Variants in NCKAP5 observed in about 807,000 individuals in gnomAD.
NCKAP5 encodes nck-associated protein 5.
A neutral mutation model predicts 167.0 loss-of-function variants in NCKAP5; 92 were observed. The ratio of observed to expected loss-of-function variants is 0.55; its 90% CI spans 0.47 to 0.66. NCKAP5 has a LOEUF of 0.66. Among genes scored for constraint, NCKAP5 ranks in the 30% least tolerant of loss-of-function variants. NCKAP5 has a pLI of 0.00. For missense variants in NCKAP5, 2,378 were observed against 2,315.0 expected, an observed-to-expected ratio of 1.03 and a Z score of -0.56; for synonymous variants, 891 against 877.4, an observed-to-expected ratio of 1.02 and a Z score of -0.27.
At chr2:132,749,138 T>G (rs1559005689) in intron 16 of NCKAP5, among the ~76,000 whole-genome samples, 2 of 145,638 alleles carry the variant, frequency 1.4e-5, no homozygotes. Context: ...AATAAATACA[T>G]AGTCTGATAT....
At chr2:133,572,827 A>T (rs1688915579), upstream of NCKAP5, among the ~76,000 whole-genome samples, 1 of 152,054 alleles carries the variant, frequency 6.6e-6, no homozygotes, top group South Asian at 2.1e-4. Flanking sequence ...GGCCTTGAGA[A>T]CCCTCGTGTT....
chr2:133,616,115 C>T, the NCKAP5 span, among the ~76,000 whole-genome samples: 210 of 152,004 alleles, frequency 1.4e-3, 1 homozygote, highest in Middle Eastern at 6.8e-3. Flanking sequence ...AGAACAAAGA[C>T]ACTACATACC....
chr2:133,079,642 T>C (rs1242896932), intron 6 of NCKAP5, among the ~76,000 whole-genome samples: 1 of 152,176 alleles, frequency 6.6e-6, no homozygotes. Flanking sequence ...AGCAAAAGGA[T>C]GAGGAAGATC....
Position 132,773,901 on chromosome 2 carries a change from G to T in NCKAP5, c.5050-7C>A. 6.2e-7 allele frequency: 1 copy of T among 1,606,612 alleles called. No individual in the cohort carries two copies. The highest frequency in any genetic ancestry group is 8.5e-7 in the Non-Finnish European group (1 of 1,177,190). On this transcript the variant is annotated splice_polypyrimidine_tract_variant and splice_region_variant and intron_variant, in intron 15 of 19. Coordinates refer to ENST00000409261, the MANE Select transcript of NCKAP5 (RefSeq NM_207363.3). ...TTTCATTTGCCTCTTTTACCTGCAGGAAGAAGAAAATGATGCAAGTTCTTA... is the reference window on the plus strand; with the variant it reads ...TTTCATTTGCCTCTTTTACCTGCAGTAAGAAGAAAATGATGCAAGTTCTTA...
chr2:133,429,058 C>T (rs1300137034), intron 3 of NCKAP5, among the ~76,000 whole-genome samples: 1 of 152,084 alleles, frequency 6.6e-6, no homozygotes, highest in East Asian at 1.9e-4. Context: ...AGGATTTATG[C>T]CCTCTGCGGG....
At chr2:133,418,516 A>C (rs147941265) in intron 3 of NCKAP5, among the ~76,000 whole-genome samples, 1 of 152,164 alleles carries the variant, frequency 6.6e-6, no homozygotes, top group Non-Finnish European at 1.5e-5. Flanking sequence ...TTACTCCCCA[A>C]CCAGACTAGG....
intron 3 of NCKAP5, among the ~76,000 whole-genome samples, chr2:133,451,090 G>A (rs558007212): frequency 2.2e-4 from 34 of 152,192 alleles, no homozygotes; most frequent in Admixed American, 4.6e-4. Context: ...AAGTCATCCT[G>A]GATTAGAGTT....
At chr2:133,593,285 A>T in the NCKAP5 span, among the ~76,000 whole-genome samples, 2 of 152,078 alleles carry the variant, frequency 1.3e-5, no homozygotes, top group African/African-American at 4.8e-5. Flanking sequence ...TAGATATGTC[A>T]TCTTCACAAA....
chr2:133,346,610 G>T (rs1683991649), intron 3 of NCKAP5, among the ~76,000 whole-genome samples: 1 of 152,234 alleles, frequency 6.6e-6, no homozygotes, highest in African/African-American at 2.4e-5. Flanking sequence ...TTCCAGGGCT[G>T]CGGGCCCCTC....
intron 5 of NCKAP5, among the ~76,000 whole-genome samples, chr2:133,185,372 T>A (rs1444460119): frequency 1.3e-5 from 2 of 152,160 alleles, no homozygotes; most frequent in Non-Finnish European, 2.9e-5. Context: ...GGCACTATAG[T>A]ATAGTTTGAA....
chr2:132,788,967 G>A (rs1203807106), intron 13 of NCKAP5, among the ~76,000 whole-genome samples: 1 of 152,102 alleles, frequency 6.6e-6, no homozygotes, highest in Non-Finnish European at 1.5e-5. Flanking sequence ...TGTGAGATAT[G>A]ACAGGTGTAC....
chr2:133,282,194 C>CT (rs1425268057), intron 4 of NCKAP5, among the ~76,000 whole-genome samples: 6 of 152,178 alleles, frequency 3.9e-5, no homozygotes, highest in Non-Finnish European at 8.8e-5. Flanking sequence ...GATTAAATGA[C>CT]TTAATACTTG....
At chr2:133,329,647 A>C (rs570808053) in intron 3 of NCKAP5, among the ~76,000 whole-genome samples, 1 of 152,330 alleles carries the variant, frequency 6.6e-6, no homozygotes, top group East Asian at 1.9e-4. Flanking sequence ...CACACAAGGG[A>C]GAACATCTGT....
chr2:133,045,497 T>C (rs559701278), intron 6 of NCKAP5, among the ~76,000 whole-genome samples: 73 of 152,268 alleles, frequency 4.8e-4, no homozygotes, highest in African/African-American at 1.6e-3. Context: ...TTTCTATTTG[T>C]AATATTCCAT....
chr2:133,412,536 G>T (rs1475252127), intron 3 of NCKAP5, among the ~76,000 whole-genome samples: 1 of 152,134 alleles, frequency 6.6e-6, no homozygotes, highest in African/African-American at 2.4e-5. Context: ...TTAATGTGCT[G>T]AGATGACTCT....
At chr2:132,809,139 T>C (rs531190355) in intron 11 of NCKAP5, among the ~76,000 whole-genome samples, 51 of 152,304 alleles carry the variant, frequency 3.3e-4, no homozygotes, top group African/African-American at 1.1e-3. Flanking sequence ...GAGTGCTTGA[T>C]ATAATTTCAA....
At chr2:133,038,496 G>A (rs1421474280) in intron 6 of NCKAP5, among the ~76,000 whole-genome samples, 2 of 152,050 alleles carry the variant, frequency 1.3e-5, no homozygotes. Flanking sequence ...CATTGGGAGG[G>A]TGGGGATGGT....
intron 16 of NCKAP5, among the ~76,000 whole-genome samples, chr2:132,758,491 A>G (rs1024589433): frequency 6.6e-6 from 1 of 152,216 alleles, no homozygotes; most frequent in African/African-American, 2.4e-5. Context: ...AGTTCAACCT[A>G]TCTATAATGT....
chr2:133,145,868 G>A (rs1387380595), intron 5 of NCKAP5, among the ~76,000 whole-genome samples: 1 of 151,940 alleles, frequency 6.6e-6, no homozygotes, highest in Non-Finnish European at 1.5e-5. Flanking sequence ...AATTAAAAAA[G>A]ATTGCATCGA....
Sources: allele counts gnomAD v4.1 joint callset (sites outside exome capture counted in the v4.1 genomes callset), GRCh38; gene constraint gnomAD v4.1.1; transcripts MANE v1.5; gene names NCBI Gene and HGNC (gene_info 2026-07-23, HGNC 2026-07-21).